CELF4: variants seen among roughly 807,000 people sequenced by gnomAD.
The protein encoded by CELF4 is CUG-BP- and ETR-3-like factor 4.
Under a neutral mutation model 59.9 loss-of-function variants are expected in CELF4, and 18 were observed. The ratio of observed to expected loss-of-function variants is 0.30; its 90% CI spans 0.21 to 0.45. The LOEUF (loss-of-function observed/expected upper bound fraction) is 0.45, where lower values mean the gene tolerates loss of function less well. CELF4 is among the 20% of genes least tolerant of loss of function. CELF4 has a pLI of 1.00. For missense variants in CELF4, 456 were observed against 689.0 expected (o/e 0.66, Z 3.79); for synonymous variants, 261 against 267.1 (o/e 0.98, Z 0.22).
At chr18:37,288,839 A>G (rs916468730) in intron 3 of CELF4, among the ~76,000 whole-genome samples, 13 of 152,182 alleles carry the variant, frequency 8.5e-5, no homozygotes, top group African/African-American at 2.9e-4. Context: ...GGCATTGCTA[A>G]CAACAGAGGA....
At chr18:37,443,787 G>A (rs965940867) in intron 2 of CELF4, among the ~76,000 whole-genome samples, 3 of 152,146 alleles carry the variant, frequency 2.0e-5, no homozygotes, top group East Asian at 3.9e-4. Context: ...GTGTTCACAA[G>A]CTCAATCCCT....
At chr18:37,337,135 C>A (rs1156437044) in intron 2 of CELF4, among the ~76,000 whole-genome samples, 1 of 151,666 alleles carries the variant, frequency 6.6e-6, no homozygotes. Flanking sequence ...CTCAGAGACA[C>A]TGGTCAGAAA....
At chr18:37,407,167 T>C (rs2099395071) in intron 2 of CELF4, among the ~76,000 whole-genome samples, 1 of 152,216 alleles carries the variant, frequency 6.6e-6, no homozygotes. Context: ...GATGATATTA[T>C]CTGCAGAACT....
At position 37,246,690 on chromosome 18, in the gene CELF4, G is replaced by T. The variant is rs1166828622; in HGVS notation, c.*45-1493C>A. 6.6e-6 allele frequency among the ~76,000 whole-genome samples: 1 copy of T among 151,574 alleles called. No individual in the cohort carries two copies. Among genetic ancestry groups the T allele is most frequent in the African/African-American group, 2.4e-5 (1 of 41,246 alleles). On this transcript the variant is annotated intron_variant, in intron 12 of 12. Coordinates refer to ENST00000420428, the MANE Select transcript of CELF4 (RefSeq NM_020180.4). The surrounding 1 kb of genome is among the most constrained non-coding windows in gnomAD (Gnocchi z 5.3). ...ATTGAAAAAGGCCCCCAAATTTCTA[G>T]AAAAAAATAAAATCACAATATTTTC...
Position 37,253,704 on chromosome 18 carries a change from G to A in CELF4, c.*44+63C>T. 7.7e-7 allele frequency: 1 copy of A among 1,303,688 alleles called. No individual in the cohort carries two copies. The highest frequency in any genetic ancestry group is 1.0e-6 in the Non-Finnish European group (1 of 976,424). The allele number at this position is 1,303,688 out of a possible 1,614,324, so 80.8% of individuals were successfully genotyped here. On this transcript the variant is annotated intron_variant, in intron 12 of 12. Coordinates refer to ENST00000420428, the MANE Select transcript of CELF4 (RefSeq NM_020180.4). The surrounding 1 kb of genome is among the most constrained non-coding windows in gnomAD (Gnocchi z 4.5). Reference sequence around the variant, plus strand: ...GGTCCGGCCCACGGAGGCCGGAGGAGGCGGCGGGTCCGTCTGGTTCCCTCC... The same window carrying A: ...GGTCCGGCCCACGGAGGCCGGAGGAAGCGGCGGGTCCGTCTGGTTCCCTCC...
At chr18:37,553,739 G>A (rs1282344795) in intron 1 of CELF4, among the ~76,000 whole-genome samples, 3 of 152,272 alleles carry the variant, frequency 2.0e-5, no homozygotes, top group East Asian at 1.9e-4. Flanking sequence ...CCCCACCCGC[G>A]CAGGGAGCTG....
At chr18:37,493,874 G>A (rs1310747795) in intron 1 of CELF4, among the ~76,000 whole-genome samples, 1 of 152,214 alleles carries the variant, frequency 6.6e-6, no homozygotes, top group African/African-American at 2.4e-5. Context: ...CCATTCTAGA[G>A]TGCGAATGAG....
chr18:37,390,806 GA>G (rs367965059), intron 2 of CELF4, among the ~76,000 whole-genome samples: 21,991 of 73,746 alleles, frequency 0.3, 2,703 homozygotes, highest in East Asian at 0.44. Flanking sequence ...ATGGGGCGGG[GA>G]GGGGGGGCAG....
intron 2 of CELF4, among the ~76,000 whole-genome samples, chr18:37,417,067 G>T (rs2099534777): frequency 6.6e-6 from 1 of 151,876 alleles, no homozygotes; most frequent in African/African-American, 2.4e-5. Context: ...AGGAAGAAAA[G>T]AAAACAGAAA....
intron 2 of CELF4, among the ~76,000 whole-genome samples, chr18:37,353,233 A>AAAAAAAATATATATATATAT (rs71168258): frequency 1.0e-4 from 11 of 106,974 alleles, no homozygotes; most frequent in East Asian, 2.8e-4. Flanking sequence ...AAAAAAAAAA[A>AAAAAAAATATATATATATAT]ATATATATAT....
At chr18:37,460,132 G>A (rs1032132160) in intron 2 of CELF4, among the ~76,000 whole-genome samples, 1 of 152,148 alleles carries the variant, frequency 6.6e-6, no homozygotes, top group African/African-American at 2.4e-5. Context: ...AATCACCATG[G>A]CCCCAGGGCT....
At chr18:37,536,899 C>T (rs1225279186) in intron 1 of CELF4, among the ~76,000 whole-genome samples, 1 of 152,166 alleles carries the variant, frequency 6.6e-6, no homozygotes, top group Non-Finnish European at 1.5e-5. Context: ...AGAGGAGATG[C>T]CCCACCTTGC....
chr18:37,335,338 T>C (rs2097728088), intron 2 of CELF4, among the ~76,000 whole-genome samples: 1 of 151,720 alleles, frequency 6.6e-6, no homozygotes, highest in African/African-American at 2.4e-5. Context: ...CTGGAGTGTA[T>C]GGTGAGGGGT....
chr18:37,347,016 A>C (rs1258688621), intron 2 of CELF4, among the ~76,000 whole-genome samples: 2 of 151,822 alleles, frequency 1.3e-5, no homozygotes, highest in African/African-American at 2.4e-5. Flanking sequence ...TCATATGCCA[A>C]GGCTGAAGGG....
Position 37,274,725 on chromosome 18 carries a change from G to C in CELF4, c.657+80C>G, listed in dbSNP as rs1333350965. ...GCTTTCCTGTCTCTTGGGGAGACTG[G>C]ACAGCCGGCGGGGCGTGGCGGGTGC... On this transcript the variant is annotated intron_variant, in intron 5 of 12. Coordinates refer to ENST00000420428, the MANE Select transcript of CELF4 (RefSeq NM_020180.4). The C allele has an allele frequency of 6.6e-6, 10 of 1,522,072 alleles. No individual in the cohort carries two copies. The East Asian group carries it at 7.4e-5, about 11-fold the overall frequency. The allele number at this position is 1,522,072 out of a possible 1,614,324, so 94.3% of individuals were successfully genotyped here.
chr18:37,347,274 C>T (rs554413593), intron 2 of CELF4, among the ~76,000 whole-genome samples: 17 of 152,204 alleles, frequency 1.1e-4, no homozygotes, highest in Middle Eastern at 3.4e-3. Context: ...CCACCCCCCA[C>T]GCCACGCCCA....
chr18:37,401,534 T>C (rs539904519), intron 2 of CELF4, among the ~76,000 whole-genome samples: 1 of 152,250 alleles, frequency 6.6e-6, no homozygotes, highest in South Asian at 2.1e-4. Context: ...ATTAAATCAT[T>C]TGGTCCTCAG....
intron 2 of CELF4, among the ~76,000 whole-genome samples, chr18:37,445,580 G>C (rs568526730): frequency 3.3e-5 from 5 of 152,200 alleles, no homozygotes; most frequent in East Asian, 1.9e-4. Flanking sequence ...AGCAGAGGAG[G>C]GGGGAGCAGG....
In CELF4 at chr18:37,373,777, G is replaced by T. The variant is rs2098932067; in HGVS notation, c.370-51896C>A. ...GCTGTCCAGGCAGGGCATCATGCCA[G>T]CAATGTGCAGAGGATGGGGGTCCCT... On this transcript the variant is annotated intron_variant, in intron 2 of 12. Transcript: ENST00000420428. Among the ~76,000 whole-genome samples, 5 of 152,180 alleles carry T rather than the reference G, an allele frequency of 3.3e-5. No individual in the cohort carries two copies. In the South Asian group the frequency reaches 1.0e-3, roughly 32 times the overall value.
Sources: gnomAD v4.1 joint callset for allele counts (sites outside exome capture counted in the v4.1 genomes callset) on GRCh38, gnomAD v4.1.1 for gene constraint, Gnocchi (gnomAD v3.1) non-coding constraint, MANE v1.5 for transcripts, NCBI Gene and HGNC (gene_info 2026-07-23, HGNC 2026-07-21) for gene names.